PAPSS1: variants seen among roughly 807,000 people sequenced by gnomAD.
PAPSS1 encodes 3'-phosphoadenosine 5'-phosphosulfate synthase 1, also known as bifunctional 3'-phosphoadenosine 5'-phosphosulfate synthase 1.
In PAPSS1, 50 loss-of-function variants were observed where a neutral mutation model predicts 72.0. That is an observed-to-expected ratio of 0.69 (90% confidence interval 0.55 to 0.88). The LOEUF (loss-of-function observed/expected upper bound fraction) is 0.88, where lower values mean the gene tolerates loss of function less well. Among genes scored for constraint, PAPSS1 ranks in the 40% least tolerant of loss-of-function variants. The pLI is 0.00. For missense variants in PAPSS1, 657 were observed against 782.2 expected (o/e 0.84, Z 1.91); for synonymous variants, 261 against 263.6 (o/e 0.99, Z 0.09).
chr4:107,630,809 C>T (rs1726208234), intron 11 of PAPSS1, among the ~76,000 whole-genome samples: 1 of 152,094 alleles, frequency 6.6e-6, no homozygotes, highest in Admixed American at 6.6e-5. Context: ...CTTTGTATGC[C>T]TCTAGATACT....
At chr4:107,644,100 T>G (rs1203612390) in intron 10 of PAPSS1, among the ~76,000 whole-genome samples, 1 of 152,164 alleles carries the variant, frequency 6.6e-6, no homozygotes, top group Non-Finnish European at 1.5e-5. Flanking sequence ...TTATTTCCAC[T>G]AGACCATGCT....
chr4:107,694,533 C>T (rs1180264730), intron 2 of PAPSS1, among the ~76,000 whole-genome samples: 2 of 152,128 alleles, frequency 1.3e-5, no homozygotes, highest in Non-Finnish European at 2.9e-5. Flanking sequence ...TGGGAATTCA[C>T]TTTGTCCTCT....
intron 5 of PAPSS1, among the ~76,000 whole-genome samples, chr4:107,662,600 G>GAA (rs1332486738): frequency 9.2e-4 from 117 of 126,528 alleles, no homozygotes; most frequent in African/African-American, 3.2e-3. Context: ...ACCACATATA[G>GAA]AAAAAAAAAA....
rs554314089 is a variant in PAPSS1, at chr4:107,674,647, A to G, written c.669+7368T>C. Among the ~76,000 whole-genome samples the G allele has an allele frequency of 2.8e-4, 25 of 89,056 alleles. No individual in the cohort carries two copies. In the East Asian group the frequency reaches 4.5e-3, roughly 16 times the overall value. 58.4% of individuals were successfully genotyped at this position (89,056 alleles called of 152,430 possible). On this transcript the variant is annotated intron_variant, in intron 5 of 11. Transcript: ENST00000265174. ...CACGAGACAGAAAGTTAAAAAGGATATCCAGGAATTGAACTCAGCTCTGCA... is the reference window on the plus strand; with the variant it reads ...CACGAGACAGAAAGTTAAAAAGGATGTCCAGGAATTGAACTCAGCTCTGCA...
chr4:107,653,204 T>C (rs1726902914), intron 9 of PAPSS1, among the ~76,000 whole-genome samples: 1 of 152,002 alleles, frequency 6.6e-6, no homozygotes, highest in Non-Finnish European at 1.5e-5. Context: ...ATTATTCAAA[T>C]AATATTCTAT....
chr4:107,689,433 C>A (rs1722863214), intron 3 of PAPSS1, among the ~76,000 whole-genome samples: 1 of 152,182 alleles, frequency 6.6e-6, no homozygotes, highest in Non-Finnish European at 1.5e-5. Context: ...ATGGTGACCT[C>A]CTCCAGGAAG....
intron 1 of PAPSS1, among the ~76,000 whole-genome samples, chr4:107,713,695 T>G (rs1723559631): frequency 6.6e-6 from 1 of 151,022 alleles, no homozygotes; most frequent in Non-Finnish European, 1.5e-5. Flanking sequence ...GAGGTGGAGG[T>G]TGCCGTGAGC....
intron 5 of PAPSS1, among the ~76,000 whole-genome samples, chr4:107,681,660 A>C (rs7660060): frequency 6.6e-6 from 1 of 152,104 alleles, no homozygotes; most frequent in Non-Finnish European, 1.5e-5. Flanking sequence ...AAAAGTTAAC[A>C]ACTTTGTATA....
intron 9 of PAPSS1, among the ~76,000 whole-genome samples, chr4:107,646,359 A>G (rs1057444346): frequency 6.3e-4 from 94 of 150,188 alleles, no homozygotes; most frequent in African/African-American, 2.3e-3. Context: ...ACACACACAC[A>G]TCTCTTAGTT....
At chr4:107,709,511 G>C (rs1297490266) in intron 1 of PAPSS1, among the ~76,000 whole-genome samples, 1 of 152,194 alleles carries the variant, frequency 6.6e-6, no homozygotes, top group Non-Finnish European at 1.5e-5. Flanking sequence ...AGAGGAGCCT[G>C]AATCCTCCCA....
intron 2 of PAPSS1, among the ~76,000 whole-genome samples, chr4:107,696,764 G>A (rs1396113369): frequency 1.3e-5 from 2 of 151,926 alleles, no homozygotes; most frequent in African/African-American, 2.4e-5. Context: ...AGAAGAGGAG[G>A]ATATGTTGAG....
chr4:107,687,883 A>G (rs150858156), intron 3 of PAPSS1, among the ~76,000 whole-genome samples: 397 of 151,612 alleles, frequency 2.6e-3, no homozygotes, highest in African/African-American at 9.3e-3. Context: ...CTTTTTCCAC[A>G]CAGCTCATTT....
At chr4:107,616,099 A>T (rs569734199) in intron 11 of PAPSS1, among the ~76,000 whole-genome samples, 24 of 142,962 alleles carry the variant, frequency 1.7e-4, no homozygotes, top group East Asian at 4.3e-4. Context: ...AGAGAGAGAG[A>T]GTGTGTGTGC....
intron 5 of PAPSS1, among the ~76,000 whole-genome samples, chr4:107,671,960 A>T (rs982271405): frequency 1.3e-5 from 2 of 152,210 alleles, no homozygotes; most frequent in Non-Finnish European, 1.5e-5. Flanking sequence ...TCTAACGCTG[A>T]TATGGCAAAT....
chr4:107,653,028 A>G (rs1024850819), intron 9 of PAPSS1, among the ~76,000 whole-genome samples: 1 of 151,004 alleles, frequency 6.6e-6, no homozygotes, highest in African/African-American at 2.5e-5. Flanking sequence ...CAAGTAAAAC[A>G]TTCTGAGATA....
intron 5 of PAPSS1, among the ~76,000 whole-genome samples, chr4:107,670,434 A>T (rs547842191): frequency 6.6e-6 from 1 of 152,240 alleles, no homozygotes; most frequent in Non-Finnish European, 1.5e-5. Context: ...GGTGAACTTC[A>T]TAAGGACAAT....
At chr4:107,666,985 G>T (rs1727336219) in intron 5 of PAPSS1, among the ~76,000 whole-genome samples, 1 of 152,132 alleles carries the variant, frequency 6.6e-6, no homozygotes, top group African/African-American at 2.4e-5. Context: ...ACTCTTGGCT[G>T]AAGGGCTCCT....
At chr4:107,631,908 A>G in intron 10 of PAPSS1, 48 bp from the exon 11 acceptor site, 1 of 1,179,872 alleles carries the variant, frequency 8.5e-7, no homozygotes, top group South Asian at 1.4e-5. Flanking sequence ...ATGACTATGT[A>G]CTTAGAAATA....
chr4:107,633,897 C>T (rs1207990422), intron 10 of PAPSS1, among the ~76,000 whole-genome samples: 12 of 119,854 alleles, frequency 1.0e-4, no homozygotes, highest in East Asian at 9.4e-4. Context: ...CCGGCCTGGG[C>T]GAAAGAACGA....
Sources: gnomAD v4.1 joint callset for allele counts (sites outside exome capture counted in the v4.1 genomes callset) on GRCh38, gnomAD v4.1.1 for gene constraint, MANE v1.5 for transcripts, NCBI Gene and HGNC (gene_info 2026-07-23, HGNC 2026-07-21) for gene names.